Variants in CDK17 observed in about 807,000 individuals in gnomAD.
The protein encoded by CDK17 is cyclin dependent kinase 17, also known as cyclin-dependent kinase 17.
A neutral mutation model predicts 77.6 loss-of-function variants in CDK17; 24 were observed. The ratio of observed to expected loss-of-function variants is 0.31; its 90% CI spans 0.22 to 0.44. The LOEUF (loss-of-function observed/expected upper bound fraction) is 0.44, where lower values mean the gene tolerates loss of function less well. CDK17 is among the 20% of genes least tolerant of loss of function. CDK17 has a pLI of 1.00. For synonymous variants in CDK17, 203 were observed against 210.4 expected, an observed-to-expected ratio of 0.96 and a Z score of 0.30; for missense variants, 429 against 622.5, an observed-to-expected ratio of 0.69 and a Z score of 3.31.
At position 96,280,165 on chromosome 12, in the gene CDK17, GA is replaced by G; in HGVS notation, c.*76del. 1 of 1,441,248 alleles carries G rather than the reference GA, an allele frequency of 6.9e-7. No homozygotes were observed. Among genetic ancestry groups the G allele is most frequent in the Non-Finnish European group, 9.4e-7 (1 of 1,065,458 alleles). 89.3% of individuals were successfully genotyped at this position (1,441,248 alleles called of 1,614,324 possible). ...AACGGAGATTCCAAGTCCACCAAAA[GA>G]AATAATTGCCTTCAGTTCTGAGTCC... On this transcript the variant is annotated 3_prime_UTR_variant, in exon 17 of 17. Coordinates refer to ENST00000261211, the MANE Select transcript of CDK17 (RefSeq NM_002595.5).
intron 10 of CDK17, among the ~76,000 whole-genome samples, chr12:96,290,832 G>C (rs1272606146): frequency 6.6e-6 from 1 of 152,132 alleles, no homozygotes; most frequent in Non-Finnish European, 1.5e-5. Context: ...CCGAACTATG[G>C]TGTTTGTGTA....
intron 1 of CDK17, among the ~76,000 whole-genome samples, chr12:96,351,286 A>G (rs1953307976): frequency 6.7e-6 from 1 of 149,328 alleles, no homozygotes; most frequent in Non-Finnish European, 1.5e-5. Context: ...GAATAATCAT[A>G]TGACCCAGCA....
At chr12:96,319,061 TAAA>T (rs1952774564) in intron 3 of CDK17, among the ~76,000 whole-genome samples, 1 of 139,136 alleles carries the variant, frequency 7.2e-6, no homozygotes, top group Non-Finnish European at 1.6e-5. Flanking sequence ...GCAAGACTAA[TAAA>T]GAAAAAAAGA....
Position 96,289,230 on chromosome 12 carries a change from A to G in CDK17, c.1055T>C (p.Leu352Pro). Residue 352 changes from leucine (L) to proline (P), a missense_variant, in exon 11 of 17, where the codon CTA becomes CCA. Leu to Pro is a moderately conservative substitution (Grantham distance 98). Transcript: ENST00000261211. The part of the protein sequence containing the change: ...TKTYSNEVVT[L>P]WYRPPDVLLG... ...AAGCACATCAGGTGGCCGGTACCAT[A>G]GTGTGACAACTTCATTTGAGTAGGT... 1.2e-6 allele frequency: 2 copies of G among 1,614,034 alleles called. No homozygotes were observed. The highest frequency in any genetic ancestry group is 1.7e-6 in the Non-Finnish European group (2 of 1,179,870).
At position 96,400,320 on chromosome 12, in the gene CDK17, G is replaced by A. The variant is rs1954242806; in HGVS notation, c.-364C>T. 2.6e-6 allele frequency: 1 copy of A among 388,594 alleles called. No individual in the cohort carries two copies. The highest frequency in any genetic ancestry group is 2.1e-5 in the African/African-American group (1 of 48,120). 24.1% of individuals were successfully genotyped at this position (388,594 alleles called of 1,614,324 possible). A position where few individuals can be genotyped will look rare whatever the true frequency, so the allele number is the denominator to read the frequency against. ...CGCCGACGGCGGGCTGAGACTGTCT[G>A]GCCGGGCGCTGGCTCCTTCTCCGCG... is the stretch of plus-strand genomic sequence containing the variant. On this transcript the variant is annotated 5_prime_UTR_variant, in exon 1 of 17. Coordinates refer to ENST00000261211, the MANE Select transcript of CDK17 (RefSeq NM_002595.5).
intron 10 of CDK17, 63 bp downstream of exon 10, chr12:96,294,936 G>A (rs967072948): frequency 1.5e-6 from 2 of 1,373,342 alleles, no homozygotes; most frequent in Admixed American, 2.3e-5. Context: ...GACAGTGGTT[G>A]ATCTTTTAAC....
chr12:96,360,397 A>G (rs1953474110), intron 1 of CDK17, among the ~76,000 whole-genome samples: 2 of 152,222 alleles, frequency 1.3e-5, no homozygotes, highest in South Asian at 4.1e-4. Flanking sequence ...GGCATATTCA[A>G]TCTCATTAAC....
At chr12:96,376,900 A>C (rs1393177674) in intron 1 of CDK17, among the ~76,000 whole-genome samples, 2 of 152,228 alleles carry the variant, frequency 1.3e-5, no homozygotes, top group African/African-American at 4.8e-5. Flanking sequence ...CAATACTGAT[A>C]ATCAGTAGAA....
At chr12:96,302,618 G>A (rs1952523413) in intron 5 of CDK17, among the ~76,000 whole-genome samples, 2 of 152,010 alleles carry the variant, frequency 1.3e-5, no homozygotes, top group South Asian at 2.1e-4. Context: ...AGAAGCACAC[G>A]GGAAATAAGA....
intron 5 of CDK17, among the ~76,000 whole-genome samples, chr12:96,305,729 T>A (rs1214754976): frequency 6.6e-6 from 1 of 152,152 alleles, no homozygotes; most frequent in Non-Finnish European, 1.5e-5. Flanking sequence ...CACCCCCTTT[T>A]TTTTTGAGAC....
chr12:96,325,075 C>A (rs932214977), intron 2 of CDK17, among the ~76,000 whole-genome samples: 5 of 152,154 alleles, frequency 3.3e-5, no homozygotes, highest in African/African-American at 1.2e-4. Context: ...TATCAGGAAT[C>A]TCTTGACTCC....
intron 3 of CDK17, among the ~76,000 whole-genome samples, chr12:96,316,969 C>T (rs1433952116): frequency 9.4e-5 from 14 of 149,584 alleles, no homozygotes; most frequent in Admixed American, 7.3e-4. Context: ...ATGACTTTGA[C>T]GAGCTGAGAG....
At chr12:96,347,673 T>A (rs1431915626) in intron 1 of CDK17, among the ~76,000 whole-genome samples, 1 of 146,078 alleles carries the variant, frequency 6.8e-6, no homozygotes, top group African/African-American at 2.5e-5. Context: ...AATATAGGAC[T>A]TGAACAGCAC....
chr12:96,381,365 CAA>C (rs58765838), intron 1 of CDK17, among the ~76,000 whole-genome samples: 119,695 of 144,350 alleles, frequency 0.83, 49,204 homozygotes, highest in Non-Finnish European at 0.85. Flanking sequence ...TTTTTTCCTA[CAA>C]AAAAAAAAAA....
chr12:96,348,162 G>C (rs1453732246), intron 1 of CDK17, among the ~76,000 whole-genome samples: 3 of 151,930 alleles, frequency 2.0e-5, no homozygotes. Context: ...AAAGCTAGCA[G>C]AAAGAAGAAA....
intron 2 of CDK17, among the ~76,000 whole-genome samples, chr12:96,327,136 T>C (rs1952901449): frequency 6.6e-6 from 1 of 152,204 alleles, no homozygotes; most frequent in African/African-American, 2.4e-5. Context: ...ATTTAGACTT[T>C]ATTCCAGTAT....
intron 1 of CDK17, among the ~76,000 whole-genome samples, chr12:96,352,376 T>TG (rs1384253759): frequency 1.3e-5 from 2 of 149,000 alleles, no homozygotes; most frequent in Admixed American, 1.3e-4. Context: ...AAGCCAGAAG[T>TG]GGGGCTAGAG....
At position 96,369,682 on chromosome 12, in the gene CDK17, G is replaced by A. The variant is rs138914231; in HGVS notation, c.-30+30304C>T. 7.9e-5 allele frequency among the ~76,000 whole-genome samples: 12 copies of A among 152,322 alleles called. No homozygotes were observed. The East Asian group carries it at 2.3e-3, about 29-fold the overall frequency. ...AGTCCTAGCTACACTTGGTGGCTGA[G>A]GCATGAGAATCGTTTGAACCCGGGA... is the stretch of plus-strand genomic sequence containing the variant. On this transcript the variant is annotated intron_variant, in intron 1 of 16. Coordinates refer to ENST00000261211, the MANE Select transcript of CDK17 (RefSeq NM_002595.5).
Position 96,367,015 on chromosome 12 carries a change from G to C in CDK17, c.-29-32150C>G, listed in dbSNP as rs1169125230. On this transcript the variant is annotated intron_variant, in intron 1 of 16. Transcript: ENST00000261211. ...CAGTATGTCCTCCAAGTCAAGCACG[G>C]AGACTTCTAGCAAAGTAGTAGTTCC... 2.0e-5 allele frequency among the ~76,000 whole-genome samples: 3 copies of C among 151,948 alleles called. No homozygotes were observed. The East Asian group carries it at 5.8e-4, about 29-fold the overall frequency.
Sources: allele counts gnomAD v4.1 joint callset (sites outside exome capture counted in the v4.1 genomes callset), GRCh38; gene constraint gnomAD v4.1.1; transcripts MANE v1.5; gene names NCBI Gene and HGNC (gene_info 2026-07-23, HGNC 2026-07-21).